Variants in TSPAN7 observed in about 807,000 individuals in gnomAD.
TSPAN7 encodes the protein tetraspanin-7.
In TSPAN7, 1 loss-of-function variant was observed where a neutral mutation model predicts 17.6. That is an observed-to-expected ratio of 0.06 (90% CI 0.02 to 0.27). The LOEUF (loss-of-function observed/expected upper bound fraction) is 0.27, where lower values mean the gene tolerates loss of function less well. Among genes scored for constraint, TSPAN7 ranks in the 10% least tolerant of loss-of-function variants. TSPAN7 has a pLI of 1.00. For synonymous variants in TSPAN7, 78 were observed against 79.0 expected (o/e 0.99, Z 0.07); for missense variants, 112 against 201.7 (o/e 0.56, Z 2.69).
At chrX:38,605,518 T>G (rs1300756530) in intron 1 of TSPAN7, among the ~76,000 whole-genome samples, 4 of 107,899 alleles carry the variant, frequency 3.7e-5, no homozygotes, top group African/African-American at 1.3e-4. Flanking sequence ...GCCATCCCCA[T>G]CAAGCTACCA....
intron 1 of TSPAN7, among the ~76,000 whole-genome samples, chrX:38,628,208 A>G (rs1204463381): frequency 3.5e-5 from 4 of 112,892 alleles, no homozygotes; most frequent in Non-Finnish European, 7.5e-5. Flanking sequence ...TGTGTTGGTA[A>G]GTGGACTCCC....
chrX:38,652,761 G>A (rs1245009599), intron 1 of TSPAN7, among the ~76,000 whole-genome samples: 1 of 112,145 alleles, frequency 8.9e-6, no homozygotes, highest in Non-Finnish European at 1.9e-5. Flanking sequence ...TGTAGAGTCC[G>A]TTTCTTCCCA....
At chrX:38,566,904 A>T (rs1488902773) in intron 1 of TSPAN7, among the ~76,000 whole-genome samples, 1 of 111,815 alleles carries the variant, frequency 8.9e-6, no homozygotes, top group Non-Finnish European at 1.9e-5. Context: ...TAAGATTTAA[A>T]TCCACCATGT....
intron 1 of TSPAN7, among the ~76,000 whole-genome samples, chrX:38,580,380 A>T (rs2069221431): frequency 8.9e-6 from 1 of 112,403 alleles, no homozygotes; most frequent in South Asian, 3.7e-4. Flanking sequence ...AAAAAAATAA[A>T]TAAACTTAAG....
intron 2 of TSPAN7, among the ~76,000 whole-genome samples, chrX:38,666,592 CTTTTCT>C (rs1190967608): frequency 1.8e-5 from 1 of 55,513 alleles, no homozygotes; most frequent in East Asian, 8.3e-4. Context: ...TGCCCTGTTT[CTTTTCT>C]TTTTTTTTTT....
intron 1 of TSPAN7, among the ~76,000 whole-genome samples, chrX:38,618,498 A>G (rs769475516): frequency 1.8e-5 from 2 of 111,918 alleles, no homozygotes; most frequent in African/African-American, 3.2e-5. Flanking sequence ...TGCATGAGGC[A>G]TAATTCCCCC....
intron 5 of TSPAN7, among the ~76,000 whole-genome samples, chrX:38,676,673 G>A (rs1468973619): frequency 5.4e-5 from 6 of 111,713 alleles, no homozygotes; most frequent in Non-Finnish European, 1.1e-4. Flanking sequence ...TCTTGCTAAG[G>A]TAAAATTCTG....
Position 38,675,777 on chromosome X carries a change from C to A in TSPAN7, c.514C>A (p.Pro172Thr), listed in dbSNP as rs200570271. The change falls in exon 5 of 8, where the codon CCC (proline) becomes ACC (threonine). Residue 172 changes from proline to threonine, a missense_variant. Pro to Thr is a conservative substitution (Grantham distance 38, BLOSUM62 -1). Transcript: ENST00000378482. The part of the protein sequence containing the change: ...SPYFLEHGIP[P>T]SCCMNETDCN... ...CTACTTCCTGGAGCATGGCATCCCC[C>A]CCAGCTGCTGCATGAACGAAACTGA... 6 of 1,209,136 alleles carry A rather than the reference C, an allele frequency of 5.0e-6. No individual in the cohort carries two copies. The highest frequency in any genetic ancestry group is 2.2e-5 in the Admixed American group (1 of 45,645).
intron 1 of TSPAN7, among the ~76,000 whole-genome samples, chrX:38,605,437 T>C (rs1178965372): frequency 9.0e-6 from 1 of 111,236 alleles, no homozygotes; most frequent in Non-Finnish European, 1.9e-5. Flanking sequence ...AAGAACATTA[T>C]ATGCTCATGT....
At chrX:38,634,552 G>A (rs1282652882) in intron 1 of TSPAN7, among the ~76,000 whole-genome samples, 1 of 111,929 alleles carries the variant, frequency 8.9e-6, no homozygotes, top group Non-Finnish European at 1.9e-5. Flanking sequence ...TCTACATCCA[G>A]TTGTTTTGGC....
intron 1 of TSPAN7, among the ~76,000 whole-genome samples, chrX:38,607,094 G>A (rs761345097): frequency 3.6e-5 from 4 of 111,552 alleles, no homozygotes; most frequent in South Asian, 3.8e-4. Flanking sequence ...AGAAGTCTGC[G>A]CTTAGCTTGT....
rs1181242748 is a variant in TSPAN7, at chrX:38,676,200, C to A, written c.597+340C>A. Among the ~76,000 whole-genome samples, 3 of 111,056 alleles carry A rather than the reference C, an allele frequency of 2.7e-5. No individual in the cohort carries two copies. The Admixed American group carries it at 2.9e-4, about 11-fold the overall frequency. ...GGTGTCCGTCTTCTGCTTAATATAC[C>A]ATCTAAACATGAAATTGTTTGCAGC... On this transcript the variant is annotated intron_variant, in intron 5 of 7. Transcript: ENST00000378482.
chrX:38,583,949 C>CTTTTTTTTTTTTTTTTTTTTTTTTTT (rs34777484), intron 1 of TSPAN7, among the ~76,000 whole-genome samples: 3 of 66,974 alleles, frequency 4.5e-5, no homozygotes, highest in Non-Finnish European at 8.4e-5. Flanking sequence ...TTTTTCTTTT[C>CTTTTTTTTTTTTTTTTTTTTTTTTTT]TTTTTTTTTT....
At chrX:38,648,903 G>A (rs1230804110) in intron 1 of TSPAN7, among the ~76,000 whole-genome samples, 4 of 99,603 alleles carry the variant, frequency 4.0e-5, no homozygotes, top group Non-Finnish European at 6.0e-5. Flanking sequence ...CTGGGCAAGA[G>A]CAAAACTCTG....
intron 1 of TSPAN7, among the ~76,000 whole-genome samples, chrX:38,594,322 T>G (rs2069307634): frequency 8.9e-6 from 1 of 111,833 alleles, no homozygotes; most frequent in Non-Finnish European, 1.9e-5. Flanking sequence ...TATTCACTTG[T>G]GATATAATTA....
intron 1 of TSPAN7, among the ~76,000 whole-genome samples, chrX:38,635,500 G>A (rs1172814656): frequency 9.0e-6 from 1 of 111,362 alleles, no homozygotes; most frequent in Non-Finnish European, 1.9e-5. Context: ...TAGGTCTCTG[G>A]TTACATTTCT....
intron 1 of TSPAN7, among the ~76,000 whole-genome samples, chrX:38,597,315 T>A (rs770239455): frequency 3.6e-5 from 4 of 110,964 alleles, no homozygotes; most frequent in African/African-American, 9.8e-5. Flanking sequence ...TATAAACAAG[T>A]ATTTTTTTTT....
At chrX:38,657,158 T>C (rs1462500919) in intron 1 of TSPAN7, among the ~76,000 whole-genome samples, 1 of 111,493 alleles carries the variant, frequency 9.0e-6, no homozygotes, top group East Asian at 2.8e-4. Flanking sequence ...GAGTACCTAA[T>C]AACATGTTCA....
chrX:38,622,548 G>A (rs1213196508), intron 1 of TSPAN7, among the ~76,000 whole-genome samples: 2 of 111,681 alleles, frequency 1.8e-5, no homozygotes, highest in South Asian at 3.8e-4. Context: ...CACAGGGTGA[G>A]ACCCTGTATT....
Sources: allele counts gnomAD v4.1 joint callset (sites outside exome capture counted in the v4.1 genomes callset), GRCh38; gene constraint gnomAD v4.1.1; transcripts MANE v1.5; gene names NCBI Gene and HGNC (gene_info 2026-07-23, HGNC 2026-07-21).